The following GPATCH2L variants were observed in gnomAD, a reference collection of about 807,000 sequenced individuals.
GPATCH2L encodes the protein G patch domain-containing protein 2-like.
GPATCH2L carries 31 observed loss-of-function variants against 57.4 expected under a neutral mutation model. That is an observed-to-expected ratio of 0.54 (90% CI 0.41 to 0.73). The LOEUF (loss-of-function observed/expected upper bound fraction) is 0.73. Ranked by LOEUF, GPATCH2L falls within the 30% of genes least tolerant of loss-of-function variation. GPATCH2L has a pLI of 0.00. For missense variants in GPATCH2L, 481 were observed against 599.9 expected, an observed-to-expected ratio of 0.80 and a Z score of 2.07; for synonymous variants, 199 against 210.7, an observed-to-expected ratio of 0.94 and a Z score of 0.48.
chr14:76,152,862 T>G (rs192194766), intron 1 of GPATCH2L: 5 of 434,552 alleles, frequency 1.2e-5, no homozygotes, highest in Non-Finnish European at 2.3e-5. Flanking sequence ...GATTTTGACA[T>G]GCTGTTCCCA....
At chr14:76,195,998 T>G (rs765665322) in intron 9 of GPATCH2L, 26 bp downstream of exon 9, 2 of 1,502,356 alleles carry the variant, frequency 1.3e-6, no homozygotes, top group East Asian at 4.5e-5. Context: ...TATCATTTAT[T>G]GAGCATGTAC....
Position 76,173,594 on chromosome 14 carries a change from T to A in GPATCH2L, c.953T>A (p.Leu318His), listed in dbSNP as rs771540003. 10 of 1,613,162 alleles carry A rather than the reference T, an allele frequency of 6.2e-6. No homozygotes were observed. The highest frequency in any genetic ancestry group is 7.6e-6 in the Non-Finnish European group (9 of 1,179,160). Residue 318 changes from leucine (L) to histidine (H), a missense_variant, in exon 5 of 10, where the codon CTC becomes CAC. Around this residue, in one of 3 missense-constraint regions of GPATCH2L, gnomAD observed 248 missense variants for 270.5 expected, o/e 0.92. Transcript: ENST00000261530. The part of the protein sequence containing the change: ...NRLPGAAARC[L>H]RKGRRRLVGK... ...CTACCTGGAGCTGCAGCTCGATGCCTCAGAAAGGGGCGAAGAAGGCTGGTT... is the reference window on the plus strand; with the variant it reads ...CTACCTGGAGCTGCAGCTCGATGCCACAGAAAGGGGCGAAGAAGGCTGGTT...
Position 76,197,272 on chromosome 14 carries a change from T to C in GPATCH2L, c.1288+1300T>C, listed in dbSNP as rs796404583. Among the ~76,000 whole-genome samples the C allele has an allele frequency of 1.8e-4, 27 of 152,344 alleles. 1 individual carries two copies. Among genetic ancestry groups the C allele is most frequent in the African/African-American group, 6.0e-4 (25 of 41,586 alleles). ...TCAGATCCTCATTCAGTCTATGGTA[T>C]TGGAAGCATTAAAAGAAAACCACCC... is the stretch of plus-strand genomic sequence containing the variant. On this transcript the variant is annotated intron_variant, in intron 9 of 9. Transcript: ENST00000261530.
chr14:76,186,301 A>T (rs902454398), intron 8 of GPATCH2L, among the ~76,000 whole-genome samples: 1 of 152,124 alleles, frequency 6.6e-6, no homozygotes, highest in African/African-American at 2.4e-5. Context: ...TTGAAATAGG[A>T]TAGGCTGAGC....
intron 8 of GPATCH2L, among the ~76,000 whole-genome samples, chr14:76,186,634 A>G (rs2039777630): frequency 1.3e-5 from 2 of 152,184 alleles, no homozygotes; most frequent in Non-Finnish European, 1.5e-5. Flanking sequence ...GCCCAAGCCT[A>G]TTGGAATTGC....
intron 8 of GPATCH2L, among the ~76,000 whole-genome samples, chr14:76,185,483 T>C (rs937704624): frequency 6.6e-6 from 1 of 152,208 alleles, no homozygotes; most frequent in Non-Finnish European, 1.5e-5. Context: ...GATTTATCAA[T>C]TGCTACATAC....
At chr14:76,196,344 G>T in intron 9 of GPATCH2L, 1 of 444,104 alleles carries the variant, frequency 2.3e-6, no homozygotes, top group Non-Finnish European at 4.0e-6. Context: ...ATACAGTACA[G>T]TACATTCTTA....
Position 76,195,276 on chromosome 14 carries a change from A to C in GPATCH2L, c.1194-602A>C, listed in dbSNP as rs2040111908. ...TGTTAATCCCATTGTCTTTCACAGA[A>C]TCGTTTGCTTTTAAAATAAGCTGAG... On this transcript the variant is annotated intron_variant, in intron 8 of 9. Coordinates refer to ENST00000261530, the MANE Select transcript of GPATCH2L (RefSeq NM_017926.4). Among the ~76,000 whole-genome samples the C allele has an allele frequency of 2.0e-5, 3 of 152,314 alleles. No homozygotes were observed. The South Asian group carries it at 6.2e-4, about 32-fold the overall frequency.
At chr14:76,166,062 G>T (rs759825100) in intron 2 of GPATCH2L, among the ~76,000 whole-genome samples, 2 of 152,154 alleles carry the variant, frequency 1.3e-5, no homozygotes, top group African/African-American at 4.8e-5. Flanking sequence ...TGGGACAAAA[G>T]TTATATTTCA....
chr14:76,181,738 C>A (rs997081195), intron 8 of GPATCH2L, among the ~76,000 whole-genome samples: 2 of 152,134 alleles, frequency 1.3e-5, no homozygotes, highest in African/African-American at 4.8e-5. Context: ...AATTGTAGCA[C>A]CCCCTACAGG....
At chr14:76,224,436 G>T (rs141196342) in intron 1 of GPATCH2L, among the ~76,000 whole-genome samples, 1 of 151,954 alleles carries the variant, frequency 6.6e-6, no homozygotes, top group Non-Finnish European at 1.5e-5. Context: ...CATTAGCATC[G>T]TAAGGCAGAA....
chr14:76,226,165 T>TAACA (rs2040535581), intron 1 of GPATCH2L, among the ~76,000 whole-genome samples: 2 of 152,300 alleles, frequency 1.3e-5, no homozygotes, highest in East Asian at 3.9e-4. Context: ...CATATGTACA[T>TAACA]AACAGTACTA....
chr14:76,230,482 C>T (rs984159700), intron 2 of GPATCH2L: 1 of 151,932 alleles, frequency 6.6e-6, no homozygotes, highest in African/African-American at 2.4e-5. Context: ...TTTATCCATC[C>T]CACTGATCAT....
At chr14:76,153,085 G>T in intron 1 of GPATCH2L, 1 of 285,176 alleles carries the variant, frequency 3.5e-6, no homozygotes, top group South Asian at 3.2e-5. Flanking sequence ...GGAAGTAGGT[G>T]TCACTATTGC....
chr14:76,194,010 A>G (rs950452135), intron 8 of GPATCH2L, among the ~76,000 whole-genome samples: 1 of 152,142 alleles, frequency 6.6e-6, no homozygotes, highest in South Asian at 2.1e-4. Context: ...TGTTTTGAGG[A>G]GAAACACAAT....
At chr14:76,182,911 A>T (rs2139731537) in intron 8 of GPATCH2L, among the ~76,000 whole-genome samples, 1 of 152,358 alleles carries the variant, frequency 6.6e-6, no homozygotes, top group East Asian at 1.9e-4. Flanking sequence ...CAGGATTTTA[A>T]TCCATAGGAA....
chr14:76,201,026 T>C (rs2040297153), intron 9 of GPATCH2L, among the ~76,000 whole-genome samples: 2 of 152,244 alleles, frequency 1.3e-5, no homozygotes, highest in African/African-American at 2.4e-5. Context: ...GTAAGTGTTC[T>C]GAAGTATACA....
intron 2 of GPATCH2L, among the ~76,000 whole-genome samples, chr14:76,162,037 A>G (rs1261215411): frequency 6.6e-6 from 1 of 152,210 alleles, no homozygotes; most frequent in Non-Finnish European, 1.5e-5. Flanking sequence ...CTCCGTCTCA[A>G]AAAAAATAAA....
At chr14:76,233,298 G>A (rs2040583080) in intron 2 of GPATCH2L, among the ~76,000 whole-genome samples, 2 of 152,198 alleles carry the variant, frequency 1.3e-5, no homozygotes, top group Admixed American at 1.3e-4. Context: ...AGGTATCAGA[G>A]CATCTGTTTT....
Sources: allele counts gnomAD v4.1 joint callset (sites outside exome capture counted in the v4.1 genomes callset), GRCh38; gene constraint gnomAD v4.1.1; regional missense constraint gnomAD v4.1.1; transcripts MANE v1.5; gene names NCBI Gene and HGNC (gene_info 2026-07-23, HGNC 2026-07-21).